Variants in PSG5 observed in about 807,000 individuals in gnomAD.
PSG5 encodes the protein pregnancy specific beta-1-glycoprotein 5.
PSG5 carries 53 observed loss-of-function variants against 37.7 expected under a neutral mutation model. The observed-to-expected ratio is 1.41, with a 90% confidence interval of 1.13 to 1.77. PSG5 has a LOEUF of 1.77. PSG5 is among the 40% of genes most tolerant of loss of function. PSG5 has a pLI of 0.00. For missense variants in PSG5, 547 were observed against 405.2 expected (o/e 1.35, Z -3.00); for synonymous variants, 221 against 155.4 (o/e 1.42, Z -3.14).
chr19:43,179,958 G>C (rs1388415098), intron 2 of PSG5, among the ~76,000 whole-genome samples: 1 of 151,808 alleles, frequency 6.6e-6, no homozygotes, highest in Non-Finnish European at 1.5e-5. Flanking sequence ...AATACATGTG[G>C]ATGTTTGCAA....
At chr19:43,173,621 C>T (rs537693652) in intron 4 of PSG5, among the ~76,000 whole-genome samples, 1 of 151,548 alleles carries the variant, frequency 6.6e-6, no homozygotes. Flanking sequence ...ATCACGAATA[C>T]TTAGAGATAT....
Position 43,170,142 on chromosome 19 carries a change from T to A in PSG5, c.965-4A>T. The A allele has an allele frequency of 6.3e-7, 1 of 1,582,520 alleles. No individual in the cohort carries two copies. The highest frequency in any genetic ancestry group is 1.7e-5 in the Admixed American group (1 of 59,180). On this transcript the variant is annotated splice_polypyrimidine_tract_variant and splice_region_variant and intron_variant, in intron 4 of 5. Transcript: ENST00000342951. Reference sequence around the variant, plus strand: ...AGACGTCCTATTCCTGAAGGAGCTGTCATGGAAAGAAAAGTAAAGAAGGAA... The same window carrying A: ...AGACGTCCTATTCCTGAAGGAGCTGACATGGAAAGAAAAGTAAAGAAGGAA...
At position 43,170,645 on chromosome 19, in the gene PSG5, C is replaced by T. The variant is rs1234987694; in HGVS notation, c.965-507G>A. 1.2e-5 allele frequency: 3 copies of T among 242,344 alleles called. No homozygotes were observed. In the East Asian group the frequency reaches 3.4e-4, roughly 28 times the overall value. The allele number at this position is 242,344 out of a possible 1,614,324, so 15.0% of individuals were successfully genotyped here. A position where few individuals can be genotyped will look rare whatever the true frequency, so the allele number is the denominator to read the frequency against. ...AAAGCAAGCCTAGTTCTCTGAGGCT[C>T]TCTTTAACTCTAAAGGGTGACTGGT... On this transcript the variant is annotated intron_variant, in intron 4 of 5. Coordinates refer to ENST00000342951, the MANE Select transcript of PSG5 (RefSeq NM_002781.4).
intron 2 of PSG5, chr19:43,180,560 G>C (rs1969107181): frequency 6.6e-6 from 1 of 151,470 alleles, no homozygotes. Context: ...CCCATAAAAA[G>C]TTGTCAGGAG....
At chr19:43,172,530 A>G (rs1286280622) in intron 4 of PSG5, among the ~76,000 whole-genome samples, 2 of 151,728 alleles carry the variant, frequency 1.3e-5, no homozygotes, top group African/African-American at 2.4e-5. Flanking sequence ...AAATTCAGTA[A>G]TGTTGCACAA....
chr19:43,176,233 C>A (rs1301624850), intron 2 of PSG5, 85 bp from the exon 3 acceptor site: 11 of 1,564,862 alleles, frequency 7.0e-6, no homozygotes, highest in Non-Finnish European at 9.5e-6. Flanking sequence ...TGGCATCTCC[C>A]ACCTGTCAAC....
At chr19:43,184,394 G>A (rs901937624) in intron 2 of PSG5, among the ~76,000 whole-genome samples, 1 of 151,622 alleles carries the variant, frequency 6.6e-6, no homozygotes, top group Non-Finnish European at 1.5e-5. Context: ...GAGGTCTGGG[G>A]TTGAGGCTTC....
rs1050327829 is a variant in PSG5 at position 43,169,520 on chromosome 19, A to G, written c.*40+535T>C. Among the ~76,000 whole-genome samples, 35 of 151,778 alleles carry G rather than the reference A, an allele frequency of 2.3e-4. 1 individual carries two copies. Among genetic ancestry groups the G allele is most frequent in the Admixed American group, 6.6e-4 (10 of 15,230 alleles). ...TAGGAAGACAGTTCTAATTAGGATG[A>G]AGGAATTATACTAGGAAGTAGAGGT... On this transcript the variant is annotated intron_variant, in intron 5 of 5. Coordinates refer to ENST00000342951, the MANE Select transcript of PSG5 (RefSeq NM_002781.4).
At chr19:43,169,994 C>T (rs1207693758) in intron 5 of PSG5, 61 bp downstream of exon 5, 1 of 1,082,480 alleles carries the variant, frequency 9.2e-7, no homozygotes, top group East Asian at 2.9e-5. Context: ...AAGTCTTTTC[C>T]CTCTCCCAAG....
intron 2 of PSG5, among the ~76,000 whole-genome samples, chr19:43,177,042 G>C (rs376716132): frequency 2.0e-5 from 3 of 151,710 alleles, no homozygotes; most frequent in Non-Finnish European, 4.4e-5. Context: ...TGTGTTTGAT[G>C]GATATGAGAC....
chr19:43,168,590 T>C (rs1336994311), intron 5 of PSG5, among the ~76,000 whole-genome samples: 2 of 151,596 alleles, frequency 1.3e-5, no homozygotes, highest in Admixed American at 6.6e-5. Flanking sequence ...GCCAGGATGG[T>C]CTCGATCTCC....
At chr19:43,178,303 CTA>C (rs4028455) in intron 2 of PSG5, among the ~76,000 whole-genome samples, 1 of 151,306 alleles carries the variant, frequency 6.6e-6, no homozygotes, top group Non-Finnish European at 1.5e-5. Flanking sequence ...ATAGATCCCT[CTA>C]TGTTTTGGTG....
intron 2 of PSG5, among the ~76,000 whole-genome samples, chr19:43,176,861 G>A (rs1969022542): frequency 6.6e-6 from 1 of 150,920 alleles, no homozygotes; most frequent in Non-Finnish European, 1.5e-5. Context: ...TGGCTTTGGA[G>A]CAGAACCATG....
Position 43,175,502 on chromosome 19 carries a change from T to C in PSG5, c.710-33A>G, listed in dbSNP as rs1318035562. The C allele has an allele frequency of 1.2e-5, 19 of 1,578,988 alleles. 1 individual carries two copies. Among genetic ancestry groups the C allele is most frequent in the Non-Finnish European group, 1.5e-5 (18 of 1,162,942 alleles). On this transcript the variant is annotated intron_variant, in intron 3 of 5. Transcript: ENST00000342951. ...AAAGAGAATGAAGCCACAGGTGATG[T>C]CATCCAAGGGAAGGGGATGCTCCTG...
At chr19:43,182,722 T>G (rs1463220577) in intron 2 of PSG5, among the ~76,000 whole-genome samples, 9 of 134,078 alleles carry the variant, frequency 6.7e-5, no homozygotes, top group South Asian at 2.5e-4. Flanking sequence ...TTTTTTTTTT[T>G]TGTGCAGGAG....
At chr19:43,174,765 C>T in intron 4 of PSG5, 1 of 1,148,770 alleles carries the variant, frequency 8.7e-7, no homozygotes, top group Non-Finnish European at 1.1e-6. Context: ...AGCTGCTCCT[C>T]CCTCACCCAA....
chr19:43,178,511 T>C (rs1295468650), intron 2 of PSG5, among the ~76,000 whole-genome samples: 2 of 151,498 alleles, frequency 1.3e-5, no homozygotes, highest in Admixed American at 1.3e-4. Context: ...ACAGGTGACA[T>C]TGTCAGAGGG....
In PSG5 at chr19:43,185,798, A is replaced by G. The variant is rs140521443; in HGVS notation, c.64+544T>C. On this transcript the variant is annotated intron_variant, in intron 1 of 5. Coordinates refer to ENST00000342951, the MANE Select transcript of PSG5 (RefSeq NM_002781.4). ...GGACAGTGTTTCATGTCCTGCTTAT[A>G]CTTTTATTAGAAGTGTCATCTGATA... is the stretch of plus-strand genomic sequence containing the variant. Among the ~76,000 whole-genome samples the G allele has an allele frequency of 6.0e-5, 9 of 149,284 alleles. No homozygotes were observed. The East Asian group carries it at 1.4e-3, about 23-fold the overall frequency.
At chr19:43,170,266 G>A in intron 4 of PSG5, 128 bp from the exon 5 acceptor site, 1 of 929,170 alleles carries the variant, frequency 1.1e-6, no homozygotes, top group Non-Finnish European at 1.6e-6. Flanking sequence ...ATTCCTCTTG[G>A]GAAATTGATG....
Sources: gnomAD v4.1 joint callset for allele counts (sites outside exome capture counted in the v4.1 genomes callset) on GRCh38, gnomAD v4.1.1 for gene constraint, MANE v1.5 for transcripts, NCBI Gene and HGNC (gene_info 2026-07-23, HGNC 2026-07-21) for gene names.